The following DMD variants were observed in gnomAD, a reference collection of about 807,000 sequenced individuals.
DMD encodes dystrophin.
A neutral mutation model predicts 330.1 loss-of-function variants in DMD; 63 were observed. The ratio of observed to expected loss-of-function variants is 0.19; its 90% CI spans 0.16 to 0.24. The LOEUF is 0.24. Ranked by LOEUF, DMD falls within the 10% of genes least tolerant of loss-of-function variation. The pLI is 1.00. For synonymous variants in DMD, 1,223 were observed against 959.8 expected, an observed-to-expected ratio of 1.27 and a Z score of -5.07; for missense variants, 3,344 against 2,684.1, an observed-to-expected ratio of 1.25 and a Z score of -5.43.
chrX:32,592,918 C>T (rs181971566), intron 13 of DMD, among the ~76,000 whole-genome samples: 92 of 112,967 alleles, frequency 8.1e-4, no homozygotes, highest in Non-Finnish European at 1.1e-3. Context: ...CCAGCCACAG[C>T]CTCACATGGA....
chrX:32,060,554 G>A (rs1375389513), intron 44 of DMD, among the ~76,000 whole-genome samples: 1 of 110,911 alleles, frequency 9.0e-6, no homozygotes, highest in Non-Finnish European at 1.9e-5. Context: ...TTTAATCTTT[G>A]AGATATACAA....
chrX:31,690,669 G>C (rs1472432325), intron 52 of DMD, among the ~76,000 whole-genome samples: 2 of 111,989 alleles, frequency 1.8e-5, no homozygotes, highest in Non-Finnish European at 3.8e-5. Flanking sequence ...ACATGCACAG[G>C]TATGTTTATT....
intron 17 of DMD, among the ~76,000 whole-genome samples, chrX:32,543,088 G>A (rs763320461): frequency 9.4e-4 from 105 of 111,740 alleles, no homozygotes; most frequent in African/African-American, 3.3e-3. Context: ...TACCTATTTT[G>A]GGAGGTTACT....
At chrX:31,749,862 T>A (rs1445776703) in intron 51 of DMD, among the ~76,000 whole-genome samples, 2 of 105,959 alleles carry the variant, frequency 1.9e-5, no homozygotes, top group African/African-American at 3.5e-5. Flanking sequence ...GGTATCTCAT[T>A]GTGGTTTTGA....
At chrX:31,450,313 A>C (rs189779817) in intron 59 of DMD, among the ~76,000 whole-genome samples, 4 of 112,063 alleles carry the variant, frequency 3.6e-5, no homozygotes, top group African/African-American at 1.3e-4. Context: ...GGTACAGCCC[A>C]GCTATGTTTT....
At chrX:32,807,122 T>TTAAAAAAAAAA (rs1345640031) in intron 7 of DMD, among the ~76,000 whole-genome samples, 1 of 20,741 alleles carries the variant, frequency 4.8e-5, no homozygotes, top group African/African-American at 2.2e-4. Flanking sequence ...CGGAAACATT[T>TTAAAAAAAAAA]AAAAAAAAAA....
At chrX:31,280,014 T>C (rs2052495373) in intron 62 of DMD, among the ~76,000 whole-genome samples, 1 of 112,293 alleles carries the variant, frequency 8.9e-6, no homozygotes, top group Non-Finnish European at 1.9e-5. Flanking sequence ...AGTTTTGGGG[T>C]TGGTCTGTTA....
chrX:31,211,769 T>C (rs2044701743), intron 64 of DMD, among the ~76,000 whole-genome samples: 1 of 112,080 alleles, frequency 8.9e-6, no homozygotes, highest in Non-Finnish European at 1.9e-5. Context: ...AGGAGAGAAA[T>C]ACTGTGCAGT....
At chrX:32,200,427 A>C (rs1569550477) in intron 44 of DMD, among the ~76,000 whole-genome samples, 1 of 105,503 alleles carries the variant, frequency 9.5e-6, no homozygotes, top group Non-Finnish European at 1.9e-5. Context: ...CATATTATGC[A>C]TGTGTGTAAT....
intron 44 of DMD, among the ~76,000 whole-genome samples, chrX:32,095,329 T>C (rs190947707): frequency 3.6e-5 from 4 of 112,094 alleles, no homozygotes; most frequent in African/African-American, 1.3e-4. Context: ...AAGCCTAGAT[T>C]TGTGGAAGTC....
intron 55 of DMD, among the ~76,000 whole-genome samples, chrX:31,543,034 C>T (rs953996726): frequency 1.7e-4 from 19 of 112,341 alleles, no homozygotes; most frequent in South Asian, 3.7e-4. Context: ...GGGACGCCTC[C>T]GTGTGCAGTC....
At chrX:32,411,683 G>C in intron 30 of DMD, 69 bp downstream of exon 30, 1 of 1,133,568 alleles carries the variant, frequency 8.8e-7, no homozygotes. Flanking sequence ...TTTAAAGTTA[G>C]AAACACTGCA....
chrX:32,783,195 TATAC>T lies in DMD; in HGVS notation c.649+26294_649+26297del, dbSNP rs758743980. The stretch of plus-strand genomic sequence containing the variant: ...TATACACACATATATACCATATATG[TATAC>T]ATATACACATATGTGTATATACGTG... On this transcript the variant is annotated intron_variant, in intron 7 of 78. Transcript: ENST00000357033. 1.1e-4 allele frequency among the ~76,000 whole-genome samples: 11 copies of T among 101,027 alleles called. No homozygotes were observed. In the South Asian group the frequency reaches 3.0e-3, roughly 28 times the overall value. 87.7% of individuals were successfully genotyped at this position (101,027 alleles called of 115,157 possible). A position where few individuals can be genotyped will look rare whatever the true frequency, so the allele number is the denominator to read the frequency against.
At chrX:32,551,862 C>T (rs922372127) in intron 16 of DMD, among the ~76,000 whole-genome samples, 1 of 111,683 alleles carries the variant, frequency 9.0e-6, no homozygotes, top group Non-Finnish European at 1.9e-5. Flanking sequence ...AAATGAAGAA[C>T]ACAGTCCCAT....
At chrX:32,422,812 C>T (rs776997570) in intron 29 of DMD, among the ~76,000 whole-genome samples, 3 of 110,357 alleles carry the variant, frequency 2.7e-5, no homozygotes, top group Admixed American at 9.7e-5. Flanking sequence ...GAAATTTGGC[C>T]TGAATATTAA....
rs140485151 is a variant in DMD at position 32,250,771 on chromosome X, A to G, written c.6291-33708T>C. Among the ~76,000 whole-genome samples the G allele has an allele frequency of 4.8e-3, 537 of 111,884 alleles. 4 individuals carry two copies. Among genetic ancestry groups the G allele is most frequent in the African/African-American group, 0.017 (522 of 30,782 alleles). On this transcript the variant is annotated intron_variant, in intron 43 of 78. Transcript: ENST00000357033. Reference sequence around the variant, plus strand: ...TCCACTGGCTGCTTTGTGAAACTACATCTCCTGGCTTTCTTCATACCTCGA... The same window carrying G: ...TCCACTGGCTGCTTTGTGAAACTACGTCTCCTGGCTTTCTTCATACCTCGA...
At chrX:33,017,386 C>T (rs368787829) in intron 2 of DMD, among the ~76,000 whole-genome samples, 1 of 107,014 alleles carries the variant, frequency 9.3e-6, no homozygotes, top group African/African-American at 3.4e-5. Context: ...CACAGATAGA[C>T]ATTAATACGA....
intron 52 of DMD, among the ~76,000 whole-genome samples, chrX:31,726,121 T>C (rs978987616): frequency 8.9e-6 from 1 of 112,297 alleles, no homozygotes; most frequent in Non-Finnish European, 1.9e-5. Flanking sequence ...TTTCATTTGA[T>C]CTGATTTAGA....
chrX:31,268,547 G>T (rs1314670454), intron 62 of DMD, among the ~76,000 whole-genome samples: 2 of 111,462 alleles, frequency 1.8e-5, no homozygotes, highest in Admixed American at 1.9e-4. Context: ...TCTGAGGGGG[G>T]CACACTAAGA....
Sources: allele counts gnomAD v4.1 joint callset (sites outside exome capture counted in the v4.1 genomes callset), GRCh38; gene constraint gnomAD v4.1.1; transcripts MANE v1.5; gene names NCBI Gene and HGNC (gene_info 2026-07-23, HGNC 2026-07-21).